The following SMIM10L3 variants were observed in gnomAD, a reference collection of about 807,000 sequenced individuals.
SMIM10L3 encodes small integral membrane protein 10 like 3, also known as salivary gland specific protein SAGSIN1.
chr7:6,338,932 C>T, the SMIM10L3 span, among the ~76,000 whole-genome samples: 1 of 152,320 alleles, frequency 6.6e-6, no homozygotes, highest in South Asian at 2.1e-4. Context: ...AGAGCTCACA[C>T]ACGCTCCCAG....
chr7:6,330,822 T>A, the SMIM10L3 span: 1 of 1,614,162 alleles, frequency 6.2e-7, no homozygotes, highest in Admixed American at 1.7e-5. Context: ...CAAAACACTC[T>A]GTTGGAGCAG....
the SMIM10L3 span, chr7:6,330,257 C>G: frequency 1.0e-5 from 10 of 986,094 alleles, no homozygotes; most frequent in South Asian, 1.7e-4. Flanking sequence ...TCTGCCAGGT[C>G]GTACAAAACT....
the SMIM10L3 span, among the ~76,000 whole-genome samples, chr7:6,343,052 A>AAAAG: frequency 6.7e-6 from 1 of 150,052 alleles, no homozygotes; most frequent in Non-Finnish European, 1.5e-5. Context: ...AAAAAAAGAA[A>AAAAG]AAAGAAAGAA....
At chr7:6,346,230 G>A in the SMIM10L3 span, among the ~76,000 whole-genome samples, 1 of 152,124 alleles carries the variant, frequency 6.6e-6, no homozygotes, top group Non-Finnish European at 1.5e-5. Context: ...AACTGACACA[G>A]GAGCACCCTT....
At chr7:6,341,572 C>G in the SMIM10L3 span, among the ~76,000 whole-genome samples, 1 of 150,290 alleles carries the variant, frequency 6.7e-6, no homozygotes, top group Admixed American at 6.7e-5. Flanking sequence ...AGCCTGTAGT[C>G]CCAGCTACTC....
At chr7:6,345,737 CTTTT>C in the SMIM10L3 span, among the ~76,000 whole-genome samples, 3 of 151,838 alleles carry the variant, frequency 2.0e-5, no homozygotes, top group South Asian at 6.2e-4. Context: ...CTCAAAGTTT[CTTTT>C]TTTAAAATCT....
chr7:6,342,782 A>T, the SMIM10L3 span, among the ~76,000 whole-genome samples: 2 of 152,108 alleles, frequency 1.3e-5, no homozygotes, highest in African/African-American at 4.8e-5. Context: ...CACACTTGTA[A>T]TCTCAGCACT....
chr7:6,333,078 A>G, the SMIM10L3 span, among the ~76,000 whole-genome samples: 1 of 150,406 alleles, frequency 6.6e-6, no homozygotes, highest in Non-Finnish European at 1.5e-5. Flanking sequence ...AATTGCGTGA[A>G]CCCGGGAGGC....
the SMIM10L3 span, among the ~76,000 whole-genome samples, chr7:6,331,515 G>A: frequency 6.6e-6 from 1 of 151,598 alleles, no homozygotes; most frequent in East Asian, 2.0e-4. Flanking sequence ...CGCCCACGCT[G>A]GGCGACCAGT....
At chr7:6,333,178 A>C in the SMIM10L3 span, among the ~76,000 whole-genome samples, 5 of 151,860 alleles carry the variant, frequency 3.3e-5, no homozygotes, top group Middle Eastern at 3.2e-3. Flanking sequence ...CAAAAAAAAA[A>C]AAACAAAAAA....
the SMIM10L3 span, among the ~76,000 whole-genome samples, chr7:6,343,249 C>G: frequency 6.6e-6 from 1 of 150,616 alleles, no homozygotes; most frequent in Admixed American, 6.7e-5. Context: ...TGGTACCAGG[C>G]ACCTGTAATC....
the SMIM10L3 span, among the ~76,000 whole-genome samples, chr7:6,345,097 T>C: frequency 2.6e-5 from 4 of 151,458 alleles, no homozygotes; most frequent in Non-Finnish European, 5.9e-5. Flanking sequence ...ATCAGATTTA[T>C]GGGAGGTTAT....
At chr7:6,335,335 G>A in the SMIM10L3 span, among the ~76,000 whole-genome samples, 1 of 151,688 alleles carries the variant, frequency 6.6e-6, no homozygotes, top group Non-Finnish European at 1.5e-5. Context: ...TGATTCTCCT[G>A]CCTCAACCTC....
At chr7:6,343,060 G>T in the SMIM10L3 span, among the ~76,000 whole-genome samples, 4 of 148,812 alleles carry the variant, frequency 2.7e-5, no homozygotes, top group African/African-American at 9.9e-5. Flanking sequence ...AAAAAAGAAA[G>T]AAAGAAAGAG....
At chr7:6,336,883 G>A in the SMIM10L3 span, among the ~76,000 whole-genome samples, 2 of 151,588 alleles carry the variant, frequency 1.3e-5, no homozygotes, top group Non-Finnish European at 2.9e-5. Context: ...TGAACTCCTG[G>A]GCTCAAGTGA....
At chr7:6,338,145 C>A in the SMIM10L3 span, among the ~76,000 whole-genome samples, 2 of 152,180 alleles carry the variant, frequency 1.3e-5, no homozygotes, top group Non-Finnish European at 2.9e-5. Flanking sequence ...TTTTGGCTCA[C>A]AGCCCTCAAC....
chr7:6,347,899 T>C, the SMIM10L3 span, among the ~76,000 whole-genome samples: 1 of 145,370 alleles, frequency 6.9e-6, no homozygotes, highest in Non-Finnish European at 1.5e-5. Flanking sequence ...ATTATTATTA[T>C]TATTATTATT....
At chr7:6,336,251 T>C in the SMIM10L3 span, among the ~76,000 whole-genome samples, 10 of 149,550 alleles carry the variant, frequency 6.7e-5, no homozygotes, top group Admixed American at 6.0e-4. Context: ...GAGGCTGAGG[T>C]AGGAGAGGAC....
the SMIM10L3 span, among the ~76,000 whole-genome samples, chr7:6,339,809 G>T: frequency 6.6e-6 from 1 of 151,586 alleles, no homozygotes; most frequent in Non-Finnish European, 1.5e-5. Context: ...TCCCCCTCCC[G>T]GTCCCCTGGA....
Sources: gnomAD v4.1 joint callset for allele counts (sites outside exome capture counted in the v4.1 genomes callset) on GRCh38, gnomAD v4.1.1 for gene constraint, MANE v1.5 for transcripts, NCBI Gene and HGNC (gene_info 2026-07-23, HGNC 2026-07-21) for gene names.